RNF150: variants seen among roughly 807,000 people sequenced by gnomAD.
The protein encoded by RNF150 is ring finger protein 150.
Under a neutral mutation model 39.3 loss-of-function variants are expected in RNF150, and 24 were observed. That is an observed-to-expected ratio of 0.61 (90% CI 0.44 to 0.86). The LOEUF (loss-of-function observed/expected upper bound fraction) is 0.86, where lower values mean the gene tolerates loss of function less well. Among genes scored for constraint, RNF150 ranks in the 40% least tolerant of loss-of-function variants. The pLI, the probability that RNF150 is intolerant of heterozygous loss-of-function variation, is 0.00. For synonymous variants in RNF150, 255 were observed against 227.3 expected, an observed-to-expected ratio of 1.12 and a Z score of -1.10; for missense variants, 502 against 587.8, an observed-to-expected ratio of 0.85 and a Z score of 1.51.
intron 1 of RNF150, among the ~76,000 whole-genome samples, chr4:141,050,913 C>T (rs1482563477): frequency 1.3e-5 from 2 of 152,188 alleles, no homozygotes; most frequent in East Asian, 3.9e-4. Context: ...GGCTCCAACC[C>T]CACATTTCCC....
chr4:140,876,148 T>C (rs1300577307), intron 6 of RNF150, among the ~76,000 whole-genome samples: 1 of 152,148 alleles, frequency 6.6e-6, no homozygotes, highest in Admixed American at 6.5e-5. Flanking sequence ...CAAAGAAAAA[T>C]GGCATCCTTC....
intron 6 of RNF150, among the ~76,000 whole-genome samples, chr4:140,893,641 A>G (rs1560951597): frequency 6.6e-6 from 1 of 152,124 alleles, no homozygotes; most frequent in African/African-American, 2.4e-5. Flanking sequence ...CACCTCCCTA[A>G]GAAGAGGGGC....
chr4:140,898,068 T>C (rs1041373162), intron 6 of RNF150, among the ~76,000 whole-genome samples: 2 of 152,208 alleles, frequency 1.3e-5, no homozygotes, highest in East Asian at 3.9e-4. Flanking sequence ...TGTTCCTTGA[T>C]GCCCCACCAG....
At chr4:140,898,394 T>C (rs1730040467) in intron 6 of RNF150, among the ~76,000 whole-genome samples, 1 of 151,984 alleles carries the variant, frequency 6.6e-6, no homozygotes, top group Non-Finnish European at 1.5e-5. Flanking sequence ...TGCTGAGACA[T>C]GGCTAACTAC....
At chr4:140,958,808 G>T (rs1732890986) in intron 2 of RNF150, among the ~76,000 whole-genome samples, 1 of 152,152 alleles carries the variant, frequency 6.6e-6, no homozygotes, top group Non-Finnish European at 1.5e-5. Flanking sequence ...CATGATCAGG[G>T]CTGGTGAGGA....
chr4:140,952,446 C>A (rs577449635), intron 2 of RNF150, among the ~76,000 whole-genome samples: 2 of 152,294 alleles, frequency 1.3e-5, no homozygotes, highest in East Asian at 3.9e-4. Context: ...TCAAAGACTG[C>A]ATTAAACTTT....
chr4:140,964,059 T>G (rs1184408716), intron 2 of RNF150, among the ~76,000 whole-genome samples: 1 of 152,148 alleles, frequency 6.6e-6, no homozygotes, highest in African/African-American at 2.4e-5. Flanking sequence ...TAGTTTATTC[T>G]GGAGATTCCA....
At chr4:141,126,303 TG>T (rs1726754593) in intron 1 of RNF150, among the ~76,000 whole-genome samples, 1 of 152,198 alleles carries the variant, frequency 6.6e-6, no homozygotes, top group Non-Finnish European at 1.5e-5. Context: ...CCCTTAAAGC[TG>T]TCACCCACTG....
At position 141,027,817 on chromosome 4, in the gene RNF150, T is replaced by A. The variant is rs139327680; in HGVS notation, c.485-59944A>T. 3.2e-3 allele frequency among the ~76,000 whole-genome samples: 493 copies of A among 151,812 alleles called. 1 individual carries two copies. The highest frequency in any genetic ancestry group is 0.011 in the African/African-American group (469 of 41,478). ...TATAATCTAATTTATTAAGCCAGTC[T>A]CTTATTCAAGGACATTTGGATTTAA... On this transcript the variant is annotated intron_variant, in intron 1 of 6. Coordinates refer to ENST00000515673, the MANE Select transcript of RNF150 (RefSeq NM_020724.2).
intron 1 of RNF150, among the ~76,000 whole-genome samples, chr4:141,075,573 C>A (rs1054298200): frequency 6.6e-6 from 1 of 152,206 alleles, no homozygotes; most frequent in Non-Finnish European, 1.5e-5. Flanking sequence ...CTTAGAAAAT[C>A]TCTCTAGTTT....
chr4:141,125,257 T>C (rs866701330), intron 1 of RNF150, among the ~76,000 whole-genome samples: 1 of 151,984 alleles, frequency 6.6e-6, no homozygotes, highest in African/African-American at 2.4e-5. Context: ...GGTCATATTA[T>C]ACCTGTAGAC....
chr4:141,166,725 C>G lies in RNF150; in HGVS notation c.-6+46069G>C, dbSNP rs573678067. On this transcript the variant is annotated intron_variant, in intron 1 of 7. Transcript: ENST00000420921. ...TTATCTCAATAGATACAGAAAAGAC[C>G]TTCGATAAAATTCAACACCTTTTCA... Among the ~76,000 whole-genome samples the G allele has an allele frequency of 3.9e-5, 6 of 152,144 alleles. No homozygotes were observed. The East Asian group carries it at 1.2e-3, about 29-fold the overall frequency.
At chr4:141,097,270 T>C (rs1738825672) in intron 1 of RNF150, among the ~76,000 whole-genome samples, 1 of 152,186 alleles carries the variant, frequency 6.6e-6, no homozygotes. Context: ...ACACCCTAGG[T>C]CCTGACAGCT....
At chr4:141,094,796 T>C (rs1738713169) in intron 1 of RNF150, among the ~76,000 whole-genome samples, 2 of 152,182 alleles carry the variant, frequency 1.3e-5, no homozygotes, top group South Asian at 4.1e-4. Flanking sequence ...CACCAAATGG[T>C]CTGAGATACA....
chr4:140,942,749 T>C (rs1183676606), intron 4 of RNF150, among the ~76,000 whole-genome samples: 2 of 152,228 alleles, frequency 1.3e-5, no homozygotes, highest in Admixed American at 6.5e-5. Flanking sequence ...AAGTTTCAGA[T>C]ATGGAGCATT....
chr4:141,072,575 T>C (rs1173780886), intron 1 of RNF150, among the ~76,000 whole-genome samples: 1 of 152,186 alleles, frequency 6.6e-6, no homozygotes, highest in Non-Finnish European at 1.5e-5. Context: ...GATATAAGAG[T>C]GTAAACATCC....
intron 1 of RNF150, among the ~76,000 whole-genome samples, chr4:141,042,497 T>A (rs1401549168): frequency 6.6e-6 from 1 of 152,094 alleles, no homozygotes; most frequent in African/African-American, 2.4e-5. Context: ...GCTTTCTCTA[T>A]GCAAGATGAG....
chr4:141,012,982 C>A (rs183911643), intron 1 of RNF150, among the ~76,000 whole-genome samples: 1 of 152,060 alleles, frequency 6.6e-6, no homozygotes, highest in East Asian at 1.9e-4. Flanking sequence ...CAAATGCAAC[C>A]ATTGGCCCTT....
intron 4 of RNF150, among the ~76,000 whole-genome samples, chr4:140,938,821 G>A (rs1263026342): frequency 6.6e-6 from 1 of 152,142 alleles, no homozygotes; most frequent in Non-Finnish European, 1.5e-5. Flanking sequence ...TGTCCTTGGG[G>A]ACAGGAGTTC....
Sources: allele counts gnomAD v4.1 joint callset (sites outside exome capture counted in the v4.1 genomes callset), GRCh38; gene constraint gnomAD v4.1.1; transcripts MANE v1.5; gene names NCBI Gene and HGNC (gene_info 2026-07-23, HGNC 2026-07-21).